The following CAMK4 variants were observed in gnomAD, a reference collection of about 807,000 sequenced individuals.
The protein encoded by CAMK4 is calcium/calmodulin dependent protein kinase IV, also known as calcium/calmodulin-dependent protein kinase type IV.
CAMK4 carries 22 observed loss-of-function variants against 44.9 expected under a neutral mutation model. The observed-to-expected ratio is 0.49, with a 90% confidence interval of 0.35 to 0.70. The LOEUF (loss-of-function observed/expected upper bound fraction) is 0.70, where lower values mean the gene tolerates loss of function less well. Among genes scored for constraint, CAMK4 ranks in the 30% least tolerant of loss-of-function variants. The probability of loss-of-function intolerance (pLI) is 0.01; values close to 1 mark genes in which losing one functional copy is unlikely to be tolerated. For missense variants in CAMK4, 498 were observed against 586.8 expected (o/e 0.85, Z 1.56); for synonymous variants, 218 against 215.4 (o/e 1.01, Z -0.11).
intron 1 of CAMK4, among the ~76,000 whole-genome samples, chr5:111,254,205 T>C (rs1221823669): frequency 6.6e-6 from 1 of 152,252 alleles, no homozygotes; most frequent in Admixed American, 6.5e-5. Flanking sequence ...TTCTAGGGTA[T>C]AACCAGCTCT....
intron 9 of CAMK4, among the ~76,000 whole-genome samples, chr5:111,480,714 G>T (rs559798118): frequency 1.3e-5 from 2 of 152,010 alleles, no homozygotes; most frequent in African/African-American, 4.8e-5. Context: ...GATGATAATT[G>T]TACCTATCTC....
upstream of CAMK4, chr5:111,224,290 GCCCTCTCGC>G (rs1748050231): frequency 2.8e-6 from 2 of 706,842 alleles, no homozygotes; most frequent in African/African-American, 3.8e-5. The surrounding 1 kb of genome is among the most constrained non-coding windows in gnomAD (Gnocchi z 5.7). Context: ...TCCCCCTCGC[GCCCTCTCGC>G]AGAGGCTCGC....
intron 1 of CAMK4, among the ~76,000 whole-genome samples, chr5:111,275,843 TTCA>T (rs1180571876): frequency 6.6e-6 from 1 of 152,106 alleles, no homozygotes; most frequent in Non-Finnish European, 1.5e-5. Context: ...TTACCCTGAC[TTCA>T]TCATTACACA....
At chr5:111,389,339 T>C (rs955842738) in intron 4 of CAMK4, among the ~76,000 whole-genome samples, 7 of 152,182 alleles carry the variant, frequency 4.6e-5, no homozygotes, top group African/African-American at 9.6e-5. Flanking sequence ...CATATGAATT[T>C]GGGAGAGACA....
intron 1 of CAMK4, among the ~76,000 whole-genome samples, chr5:111,327,062 G>A (rs899492230): frequency 1.3e-5 from 2 of 151,566 alleles, no homozygotes; most frequent in Non-Finnish European, 2.9e-5. Context: ...CAATGTGCAG[G>A]TTTGTTACAT....
chr5:111,465,023 A>G (rs957123868), intron 7 of CAMK4, among the ~76,000 whole-genome samples: 2 of 152,154 alleles, frequency 1.3e-5, no homozygotes, highest in African/African-American at 4.8e-5. Context: ...TTGTTAGAAT[A>G]TTGTCCCGTA....
At chr5:111,432,662 G>GTGTATA (rs1245494210) in intron 5 of CAMK4, among the ~76,000 whole-genome samples, 209 of 142,954 alleles carry the variant, frequency 1.5e-3, no homozygotes, top group African/African-American at 4.2e-3. Flanking sequence ...ATATGTGTGT[G>GTGTATA]TATATATATA....
intron 1 of CAMK4, among the ~76,000 whole-genome samples, chr5:111,242,971 T>G (rs959387342): frequency 6.6e-6 from 1 of 152,150 alleles, no homozygotes; most frequent in African/African-American, 2.4e-5. Flanking sequence ...CTCTACTTTT[T>G]AGTGCACTGT....
intron 1 of CAMK4, among the ~76,000 whole-genome samples, chr5:111,327,836 G>T (rs866774495): frequency 1.4e-5 from 2 of 142,582 alleles, no homozygotes; most frequent in Admixed American, 7.1e-5. Context: ...CATATCCTTC[G>T]CCCACTTTTT....
chr5:111,337,759 G>A (rs1644500), intron 1 of CAMK4, among the ~76,000 whole-genome samples: 52,275 of 150,840 alleles, frequency 0.35, 10,207 homozygotes, highest in South Asian at 0.51. Flanking sequence ...GATAAGCTCT[G>A]ATCGGTGAGT....
chr5:111,362,950 T>C (rs1750651722), intron 2 of CAMK4, among the ~76,000 whole-genome samples: 1 of 152,126 alleles, frequency 6.6e-6, no homozygotes, highest in East Asian at 1.9e-4. Flanking sequence ...TTCATTCTCT[T>C]TTAATCACTC....
intron 4 of CAMK4, among the ~76,000 whole-genome samples, chr5:111,387,737 A>G (rs1580686659): frequency 6.6e-6 from 1 of 152,310 alleles, no homozygotes; most frequent in East Asian, 1.9e-4. Flanking sequence ...TACTATGGGC[A>G]AGTTTTGCAG....
intron 1 of CAMK4, among the ~76,000 whole-genome samples, chr5:111,323,471 G>A (rs1349747562): frequency 6.6e-6 from 1 of 151,730 alleles, no homozygotes; most frequent in African/African-American, 2.4e-5. Flanking sequence ...TGATATTTTC[G>A]ATATACAGTG....
chr5:111,299,323 CCTG>C (rs1346082524), intron 1 of CAMK4, among the ~76,000 whole-genome samples: 1 of 152,120 alleles, frequency 6.6e-6, no homozygotes, highest in East Asian at 1.9e-4. Flanking sequence ...GTATAATTAC[CCTG>C]CTAATGCTGT....
intron 5 of CAMK4, among the ~76,000 whole-genome samples, chr5:111,401,882 T>G (rs1580704775): frequency 6.6e-6 from 1 of 152,154 alleles, no homozygotes; most frequent in Non-Finnish European, 1.5e-5. Flanking sequence ...GTTTGGCTGG[T>G]GTAGGTGGCT....
intron 5 of CAMK4, among the ~76,000 whole-genome samples, chr5:111,407,839 G>A (rs1415135270): frequency 6.6e-6 from 1 of 152,146 alleles, no homozygotes; most frequent in African/African-American, 2.4e-5. Flanking sequence ...AAGAAAGAAT[G>A]ACTAGGCTGG....
intron 5 of CAMK4, among the ~76,000 whole-genome samples, chr5:111,410,562 C>A (rs967940947): frequency 6.6e-6 from 1 of 152,034 alleles, no homozygotes; most frequent in Non-Finnish European, 1.5e-5. Flanking sequence ...GGGTTGGGAC[C>A]ATAAAATTTT....
chr5:111,373,532 C>T (rs1418673819), intron 2 of CAMK4, among the ~76,000 whole-genome samples: 1 of 152,030 alleles, frequency 6.6e-6, no homozygotes, highest in Non-Finnish European at 1.5e-5. Flanking sequence ...TTACTGTTTT[C>T]ATTAAAGAAT....
At chr5:111,454,882 A>G (rs911893473) in intron 7 of CAMK4, among the ~76,000 whole-genome samples, 4 of 152,106 alleles carry the variant, frequency 2.6e-5, no homozygotes, top group South Asian at 2.1e-4. Flanking sequence ...TATATCTAAT[A>G]CGAATTATCT....
Sources: gnomAD v4.1 joint callset for allele counts (sites outside exome capture counted in the v4.1 genomes callset) on GRCh38, gnomAD v4.1.1 for gene constraint, Gnocchi (gnomAD v3.1) non-coding constraint, MANE v1.5 for transcripts, NCBI Gene and HGNC (gene_info 2026-07-23, HGNC 2026-07-21) for gene names.